PTGER4: variants seen among roughly 807,000 people sequenced by gnomAD.
PTGER4 encodes the protein prostaglandin E2 receptor EP4 subtype.
In PTGER4, 11 loss-of-function variants were observed where a neutral mutation model predicts 33.2. The ratio of observed to expected loss-of-function variants is 0.33; its 90% confidence interval spans 0.21 to 0.55. The LOEUF (loss-of-function observed/expected upper bound fraction) is 0.55, where lower values mean the gene tolerates loss of function less well. Ranked by LOEUF, PTGER4 falls within the 20% of genes least tolerant of loss-of-function variation. The pLI, the probability that PTGER4 is intolerant of heterozygous loss-of-function variation, is 0.92. For missense variants in PTGER4, 481 were observed against 650.2 expected (o/e 0.74, Z 2.83); for synonymous variants, 275 against 281.5 (o/e 0.98, Z 0.23).
intron 2 of PTGER4, among the ~76,000 whole-genome samples, chr5:40,690,298 CCACTGCACTCCAGCCTGGG>C (rs1741436164): frequency 6.6e-6 from 1 of 152,202 alleles, no homozygotes; most frequent in Non-Finnish European, 1.5e-5. Context: ...AATGATTACA[CCACTGCACTCCAGCCTGGG>C]CGACAGAGTG....
chr5:40,739,651 C>T, the PTGER4 span, among the ~76,000 whole-genome samples: 5 of 152,196 alleles, frequency 3.3e-5, no homozygotes, highest in Non-Finnish European at 5.9e-5. Flanking sequence ...TATAGCTTTC[C>T]TGAGGGCTCC....
At chr5:40,745,097 T>C in the PTGER4 span, among the ~76,000 whole-genome samples, 2 of 152,178 alleles carry the variant, frequency 1.3e-5, no homozygotes, top group South Asian at 4.1e-4. Flanking sequence ...CAATAGTCAG[T>C]GTCATGGGGG....
At chr5:40,682,107 T>A (rs913650235) in intron 2 of PTGER4, among the ~76,000 whole-genome samples, 2 of 151,384 alleles carry the variant, frequency 1.3e-5, no homozygotes, top group African/African-American at 4.9e-5. Flanking sequence ...CTGGGTTTCT[T>A]TCTCCACCGA....
intron 2 of PTGER4, among the ~76,000 whole-genome samples, chr5:40,684,128 C>CA (rs1741269139): frequency 9.2e-6 from 1 of 108,868 alleles, no homozygotes; most frequent in African/African-American, 3.7e-5. Context: ...CCACCCACCC[C>CA]CCCCCCCACA....
At chr5:40,701,119 T>C in the PTGER4 span, among the ~76,000 whole-genome samples, 35 of 152,306 alleles carry the variant, frequency 2.3e-4, no homozygotes, top group African/African-American at 8.2e-4. Context: ...GTAACTCCAA[T>C]GGTCAGAGTG....
chr5:40,742,859 T>C, the PTGER4 span, among the ~76,000 whole-genome samples: 1 of 152,316 alleles, frequency 6.6e-6, no homozygotes, highest in East Asian at 1.9e-4. Flanking sequence ...TAAACGTATA[T>C]TCTATAGATA....
downstream of PTGER4, among the ~76,000 whole-genome samples, chr5:40,694,440 A>G: frequency 6.6e-6 from 1 of 152,250 alleles, no homozygotes; most frequent in African/African-American, 2.4e-5. Flanking sequence ...AAAATACCAC[A>G]GATGGGTGGC....
At chr5:40,723,003 A>G in the PTGER4 span, among the ~76,000 whole-genome samples, 3 of 152,148 alleles carry the variant, frequency 2.0e-5, no homozygotes, top group Non-Finnish European at 4.4e-5. Context: ...GAAAAGGGGG[A>G]AATGTGGGGA....
chr5:40,707,507 A>G, the PTGER4 span, among the ~76,000 whole-genome samples: 1 of 152,224 alleles, frequency 6.6e-6, no homozygotes, highest in African/African-American at 2.4e-5. Flanking sequence ...TGCACCCAAT[A>G]CAGGAGCACC....
the PTGER4 span, among the ~76,000 whole-genome samples, chr5:40,698,832 A>G: frequency 6.6e-6 from 1 of 152,310 alleles, no homozygotes; most frequent in South Asian, 2.1e-4. Context: ...ATAAGAAAAT[A>G]GTTGATGAGG....
the PTGER4 span, among the ~76,000 whole-genome samples, chr5:40,717,844 A>T: frequency 6.6e-6 from 1 of 151,770 alleles, no homozygotes; most frequent in Non-Finnish European, 1.5e-5. Context: ...CAGGCGGATC[A>T]CCTGAGGTCA....
Position 40,681,184 on chromosome 5 carries a change from C to T in PTGER4, c.191C>T (p.Thr64Ile). 6.2e-7 allele frequency: 1 copy of T among 1,614,174 alleles called. No homozygotes were observed. Among genetic ancestry groups the T allele is most frequent in the Non-Finnish European group, 8.5e-7 (1 of 1,180,040 alleles). ...ACGCTGGTATGTGGGCTGGCTGTCA[C>T]CGACCTGTTGGGCACTTTGTTGGTG... ...FYTLVCGLAVTDLLGTLLVSP... is the reference protein window; with the variant it reads ...FYTLVCGLAVIDLLGTLLVSP... Residue 64 changes from threonine to isoleucine, a missense_variant, in exon 2 of 3, where the codon ACC (threonine) becomes ATC (isoleucine). Coordinates refer to ENST00000302472, the MANE Select transcript of PTGER4 (RefSeq NM_000958.3). This position sits in a 1 kb window ranked among gnomAD's most constrained non-coding sequence, Gnocchi z 9.8.
the PTGER4 span, among the ~76,000 whole-genome samples, chr5:40,728,136 T>G: frequency 2.0e-5 from 3 of 151,528 alleles, no homozygotes; most frequent in African/African-American, 7.3e-5. Flanking sequence ...ACAAAAACAT[T>G]AGCCAGGCAT....
chr5:40,695,284 C>T (rs188792608), downstream of PTGER4, among the ~76,000 whole-genome samples: 632 of 152,244 alleles, frequency 4.2e-3, 3 homozygotes, highest in African/African-American at 0.015. Flanking sequence ...GTGGCTTACA[C>T]CTGTAATCCC....
chr5:40,721,024 C>T, the PTGER4 span, among the ~76,000 whole-genome samples: 1 of 152,318 alleles, frequency 6.6e-6, no homozygotes, highest in East Asian at 1.9e-4. Context: ...AGTAGTCACC[C>T]TATCTGTTCC....
In PTGER4 at chr5:40,692,660, A is replaced by G. The variant is rs115695163; in HGVS notation, c.*282A>G. The G allele has an allele frequency of 3.4e-4, 381 of 1,134,290 alleles. No homozygotes were observed. In the African/African-American group the frequency reaches 5.6e-3, roughly 17 times the overall value. The allele number at this position is 1,134,290 out of a possible 1,614,324, so 70.3% of individuals were successfully genotyped here. On this transcript the variant is annotated 3_prime_UTR_variant, in exon 3 of 3. Coordinates refer to ENST00000302472, the MANE Select transcript of PTGER4 (RefSeq NM_000958.3). ...CTCCGTTTTTCTACTAGATAGGAGGATGGTAGAAGTTTGGCTGCTGTCATA... is the reference window on the plus strand; with the variant it reads ...CTCCGTTTTTCTACTAGATAGGAGGGTGGTAGAAGTTTGGCTGCTGTCATA...
At chr5:40,746,036 C>T in the PTGER4 span, among the ~76,000 whole-genome samples, 1 of 152,154 alleles carries the variant, frequency 6.6e-6, no homozygotes, top group Non-Finnish European at 1.5e-5. Flanking sequence ...TTTAATCCCT[C>T]CAGGGTCCAT....
chr5:40,697,031 GA>G (rs1347240323), downstream of PTGER4, among the ~76,000 whole-genome samples: 2 of 134,234 alleles, frequency 1.5e-5, no homozygotes, highest in African/African-American at 5.6e-5. Context: ...AGAAAACAAA[GA>G]AGGAAAGAAA....
the PTGER4 span, among the ~76,000 whole-genome samples, chr5:40,719,735 G>A: frequency 2.0e-5 from 3 of 152,158 alleles, no homozygotes; most frequent in African/African-American, 7.2e-5. Context: ...TTTTATGATA[G>A]TGAATGTGAA....
Sources: gnomAD v4.1 joint callset for allele counts (sites outside exome capture counted in the v4.1 genomes callset) on GRCh38, gnomAD v4.1.1 for gene constraint, Gnocchi (gnomAD v3.1) non-coding constraint, MANE v1.5 for transcripts, NCBI Gene and HGNC (gene_info 2026-07-23, HGNC 2026-07-21) for gene names.